The following SEMA5B variants were observed in gnomAD, a reference collection of about 807,000 sequenced individuals.
The protein encoded by SEMA5B is semaphorin-5B.
A neutral mutation model predicts 135.0 loss-of-function variants in SEMA5B; 66 were observed. The ratio of observed to expected loss-of-function variants is 0.49; its 90% CI spans 0.40 to 0.60. The LOEUF (loss-of-function observed/expected upper bound fraction) is 0.60. Ranked by LOEUF, SEMA5B falls within the 20% of genes least tolerant of loss-of-function variation. SEMA5B has a pLI of 0.00. For missense variants in SEMA5B, 1,501 were observed against 1,566.3 expected, an observed-to-expected ratio of 0.96 and a Z score of 0.70; for synonymous variants, 690 against 639.5, an observed-to-expected ratio of 1.08 and a Z score of -1.19.
intron 3 of SEMA5B, among the ~76,000 whole-genome samples, chr3:122,947,897 T>C (rs1209318315): frequency 1.3e-5 from 2 of 148,748 alleles, no homozygotes; most frequent in East Asian, 2.0e-4. Flanking sequence ...TTGTGTTTTG[T>C]TTTGTTTTTT....
At chr3:122,941,360 A>G (rs1939553798) in intron 4 of SEMA5B, among the ~76,000 whole-genome samples, 1 of 152,246 alleles carries the variant, frequency 6.6e-6, no homozygotes, top group Admixed American at 6.5e-5. Context: ...CTCCAGACAG[A>G]AAACATAACC....
At chr3:122,954,514 C>T (rs575733270) in intron 2 of SEMA5B, among the ~76,000 whole-genome samples, 1 of 152,310 alleles carries the variant, frequency 6.6e-6, no homozygotes, top group East Asian at 1.9e-4. Context: ...TTCATGAGGG[C>T]AGGAGGCAAC....
At chr3:122,974,946 A>G (rs1208579060) in intron 1 of SEMA5B, among the ~76,000 whole-genome samples, 1 of 152,060 alleles carries the variant, frequency 6.6e-6, no homozygotes, top group Non-Finnish European at 1.5e-5. Flanking sequence ...CTCCTTTTCC[A>G]CAATGGAACT....
intron 1 of SEMA5B, among the ~76,000 whole-genome samples, chr3:123,003,485 G>T (rs143235936): frequency 6.6e-6 from 1 of 151,768 alleles, no homozygotes; most frequent in Non-Finnish European, 1.5e-5. Context: ...TCTGCCAGCC[G>T]CTAAAATTCC....
chr3:122,964,955 C>A (rs1050523642), intron 1 of SEMA5B, among the ~76,000 whole-genome samples: 1 of 152,180 alleles, frequency 6.6e-6, no homozygotes, highest in Non-Finnish European at 1.5e-5. Context: ...TGAGCAGAAA[C>A]CAGGAGAACA....
chr3:122,977,757 G>A (rs181580153), intron 1 of SEMA5B, among the ~76,000 whole-genome samples: 4 of 152,308 alleles, frequency 2.6e-5, no homozygotes, highest in African/African-American at 9.6e-5. Context: ...TCTCACTGGG[G>A]AGAACCAATT....
In SEMA5B at chr3:122,910,222, G is replaced by A. The variant is rs1351105474; in HGVS notation, c.3377C>T (p.Thr1126Ile). The A allele has an allele frequency of 6.2e-7, 1 of 1,614,242 alleles. No individual in the cohort carries two copies. Among genetic ancestry groups the A allele is most frequent in the Non-Finnish European group, 8.5e-7 (1 of 1,180,040 alleles). Residue 1126 changes from threonine to isoleucine, a missense_variant, in exon 23 of 23, where the codon ACT (threonine) becomes ATT (isoleucine). Transcript: ENST00000357599. Reference sequence around the variant, plus strand: ...TTTGTTCAGGGGGCTTGGGTAGTAAGTAGTCGTGTACACATTGGTCTGCTG... The same window carrying A: ...TTTGTTCAGGGGGCTTGGGTAGTAAATAGTCGTGTACACATTGGTCTGCTG... The part of the protein sequence containing the change: ...PLQQTNVYTT[T>I]YYPSPLNKHS...
At chr3:122,921,420 T>G (rs1938341872) in intron 12 of SEMA5B, among the ~76,000 whole-genome samples, 2 of 152,158 alleles carry the variant, frequency 1.3e-5, no homozygotes, top group Non-Finnish European at 2.9e-5. Flanking sequence ...GCGCCTCACC[T>G]CTGCCCTACC....
At chr3:123,021,672 T>C (rs912630314) in intron 1 of SEMA5B, among the ~76,000 whole-genome samples, 1 of 152,220 alleles carries the variant, frequency 6.6e-6, no homozygotes, top group Non-Finnish European at 1.5e-5. Context: ...CTGCAAGCCA[T>C]TTCCCTAAAG....
At chr3:122,937,872 G>A (rs2107506249) in intron 5 of SEMA5B, among the ~76,000 whole-genome samples, 1 of 152,302 alleles carries the variant, frequency 6.6e-6, no homozygotes, top group South Asian at 2.1e-4. Flanking sequence ...CAGCTGCCTG[G>A]AGCTCAGGGT....
intron 12 of SEMA5B, among the ~76,000 whole-genome samples, chr3:122,916,438 ACT>A (rs1455828993): frequency 6.6e-6 from 1 of 151,840 alleles, no homozygotes; most frequent in African/African-American, 2.4e-5. Context: ...CCCACTCAAC[ACT>A]CTCTAGGGGC....
intron 1 of SEMA5B, 148 bp downstream of exon 1, chr3:123,027,316 C>T (rs960826533): frequency 5.3e-5 from 8 of 152,356 alleles, no homozygotes; most frequent in African/African-American, 1.9e-4. Context: ...ACCCCCTGTC[C>T]TCCCGCCCGC....
intron 1 of SEMA5B, among the ~76,000 whole-genome samples, chr3:122,967,683 T>C (rs1560382048): frequency 2.0e-5 from 3 of 152,244 alleles, no homozygotes; most frequent in Non-Finnish European, 2.9e-5. Context: ...CGTGGGATCA[T>C]GTAGCCTTGG....
At chr3:122,959,730 C>T (rs1940491711) in intron 2 of SEMA5B, among the ~76,000 whole-genome samples, 2 of 152,118 alleles carry the variant, frequency 1.3e-5, no homozygotes. Context: ...CAGAGCCCTG[C>T]CTCATAGAGT....
chr3:122,981,309 A>G (rs1419816590), intron 1 of SEMA5B, among the ~76,000 whole-genome samples: 1 of 152,142 alleles, frequency 6.6e-6, no homozygotes, highest in Non-Finnish European at 1.5e-5. Flanking sequence ...GCCACAGGTG[A>G]TGCTGAGGTA....
At chr3:122,974,694 A>T (rs1392422818) in intron 1 of SEMA5B, among the ~76,000 whole-genome samples, 1 of 152,124 alleles carries the variant, frequency 6.6e-6, no homozygotes, top group Non-Finnish European at 1.5e-5. Context: ...AGAGAAGCAC[A>T]GTGAGCTCTT....
At chr3:122,984,130 C>T (rs1035302335) in intron 1 of SEMA5B, among the ~76,000 whole-genome samples, 71 of 152,226 alleles carry the variant, frequency 4.7e-4, no homozygotes, top group Non-Finnish European at 9.1e-4. Flanking sequence ...GAGTAACCTT[C>T]CTTCTTCTCT....
intron 1 of SEMA5B, among the ~76,000 whole-genome samples, chr3:123,015,168 C>T (rs561828397): frequency 4.1e-4 from 62 of 152,346 alleles, no homozygotes; most frequent in African/African-American, 1.4e-3. Flanking sequence ...TCTCAGACTT[C>T]TGGCCTCCAG....
chr3:122,978,273 G>A (rs1357220721), intron 1 of SEMA5B, among the ~76,000 whole-genome samples: 4 of 152,236 alleles, frequency 2.6e-5, no homozygotes, highest in East Asian at 1.9e-4. Context: ...CTCATGAGCC[G>A]ATGAGATCAT....
Sources: allele counts gnomAD v4.1 joint callset (sites outside exome capture counted in the v4.1 genomes callset), GRCh38; gene constraint gnomAD v4.1.1; transcripts MANE v1.5; gene names NCBI Gene and HGNC (gene_info 2026-07-23, HGNC 2026-07-21).